OCA2: variants seen among roughly 807,000 people sequenced by gnomAD.
OCA2 encodes P protein.
Under a neutral mutation model 100.2 loss-of-function variants are expected in OCA2, and 77 were observed. The ratio of observed to expected loss-of-function variants is 0.77; its 90% CI spans 0.64 to 0.93. The LOEUF (loss-of-function observed/expected upper bound fraction) is 0.93, where lower values mean the gene tolerates loss of function less well. Among genes scored for constraint, OCA2 ranks in the 40% least tolerant of loss-of-function variants. OCA2 has a pLI of 0.00. For missense variants in OCA2, 1,062 were observed against 1,089.1 expected (o/e 0.98, Z 0.35); for synonymous variants, 432 against 439.2 (o/e 0.98, Z 0.21).
intron 22 of OCA2, among the ~76,000 whole-genome samples, chr15:27,849,564 A>C (rs2035671527): frequency 1.3e-5 from 2 of 151,296 alleles, no homozygotes; most frequent in Non-Finnish European, 2.9e-5. Context: ...GTTGTTTCAA[A>C]GTATCCAGTG....
chr15:28,084,436 C>G (rs1446734999), intron 1 of OCA2, among the ~76,000 whole-genome samples: 2 of 152,198 alleles, frequency 1.3e-5, no homozygotes, highest in Non-Finnish European at 2.9e-5. Context: ...CAGCAAACAC[C>G]CTCCTCTTAC....
intron 2 of OCA2, among the ~76,000 whole-genome samples, chr15:28,054,890 GGAGA>G (rs2043640920): frequency 6.6e-6 from 1 of 152,168 alleles, no homozygotes; most frequent in Non-Finnish European, 1.5e-5. Context: ...CGTGGTGGGA[GGAGA>G]GAGAAGAATG....
chr15:27,991,320 C>T (rs2141023560), intron 9 of OCA2, among the ~76,000 whole-genome samples: 1 of 152,284 alleles, frequency 6.6e-6, no homozygotes, highest in African/African-American at 2.4e-5. Context: ...AACACATGTC[C>T]ACACAAAGCA....
In OCA2 at chr15:27,966,685, C is replaced by T. The variant is rs765634645; in HGVS notation, c.1636+5G>A. The T allele has an allele frequency of 4.3e-6, 7 of 1,613,988 alleles. No individual in the cohort carries two copies. Among genetic ancestry groups the T allele is most frequent in the South Asian group, 1.1e-5 (1 of 91,072 alleles). ...GAGCCTACATGAGGTTGCACTTGTA[C>T]TCACCAACAATCTCACTGGGTTCCT... is the stretch of plus-strand genomic sequence containing the variant. On this transcript the variant is annotated splice_donor_5th_base_variant and intron_variant, in intron 15 of 23. Transcript: ENST00000354638.
Position 27,939,102 on chromosome 15 carries a change from A to G in OCA2, c.1951+12682T>C, listed in dbSNP as rs555761645. Among the ~76,000 whole-genome samples the G allele has an allele frequency of 2.0e-5, 3 of 152,344 alleles. No homozygotes were observed. The East Asian group carries it at 5.8e-4, about 29-fold the overall frequency. On this transcript the variant is annotated intron_variant, in intron 18 of 23. Transcript: ENST00000354638. Reference sequence around the variant, plus strand: ...ATCTTTGAAACATGTTGAAAATCAAACAGGCTCTGAGGAGCTTCATATTCT... The same window carrying G: ...ATCTTTGAAACATGTTGAAAATCAAGCAGGCTCTGAGGAGCTTCATATTCT...
chr15:28,003,601 G>A (rs1453455492), intron 9 of OCA2, among the ~76,000 whole-genome samples: 1 of 148,002 alleles, frequency 6.8e-6, no homozygotes, highest in Non-Finnish European at 1.5e-5. Context: ...GGGGAACGAC[G>A]GGAAAGCAGG....
Position 27,985,843 on chromosome 15 carries a change from C to A in OCA2, c.1240-655G>T, listed in dbSNP as rs1001382989. 1.2e-4 allele frequency among the ~76,000 whole-genome samples: 18 copies of A among 152,000 alleles called. 1 individual carries two copies. The highest frequency in any genetic ancestry group is 4.1e-4 in the South Asian group (2 of 4,830). On this transcript the variant is annotated intron_variant, in intron 12 of 23. Coordinates refer to ENST00000354638, the MANE Select transcript of OCA2 (RefSeq NM_000275.3). The stretch of plus-strand genomic sequence containing the variant: ...GAGTAGCTGGGATTACAGGCGTGTG[C>A]TACCACGCCCAGCTAATTTTTGTAT...
chr15:27,854,618 T>TTTTG (rs1170427674), intron 21 of OCA2, among the ~76,000 whole-genome samples: 2 of 152,226 alleles, frequency 1.3e-5, no homozygotes, highest in African/African-American at 4.8e-5. Context: ...CAAGCTTTGC[T>TTTTG]TTTGTTGTCT....
chr15:27,945,466 G>A (rs1411055777), intron 18 of OCA2, among the ~76,000 whole-genome samples: 1 of 152,166 alleles, frequency 6.6e-6, no homozygotes, highest in Non-Finnish European at 1.5e-5. Flanking sequence ...AGGAGCTGAG[G>A]GCAGAGCACT....
intron 9 of OCA2, among the ~76,000 whole-genome samples, chr15:27,997,289 T>A (rs2041781431): frequency 6.6e-6 from 1 of 152,084 alleles, no homozygotes; most frequent in African/African-American, 2.4e-5. Flanking sequence ...CAGGCCAATA[T>A]CCCTGATGAA....
At chr15:27,954,159 A>ACACC (rs147024497) in intron 17 of OCA2, among the ~76,000 whole-genome samples, 1,533 of 55,018 alleles carry the variant, frequency 0.028, 22 homozygotes, top group East Asian at 0.036. Context: ...ACACACACAC[A>ACACC]CCTAGGGTCA....
At chr15:28,017,102 C>T (rs1216143666) in intron 7 of OCA2, among the ~76,000 whole-genome samples, 4 of 151,856 alleles carry the variant, frequency 2.6e-5, no homozygotes, top group Middle Eastern at 3.2e-3. Context: ...AGATGCGAAT[C>T]TCGCCCACAA....
chr15:27,898,382 A>C (rs147210318), intron 19 of OCA2, among the ~76,000 whole-genome samples: 1 of 152,154 alleles, frequency 6.6e-6, no homozygotes, highest in African/African-American at 2.4e-5. Flanking sequence ...ACTCTCCTGC[A>C]CTGTTCTCGT....
At chr15:27,913,835 A>G (rs1322442337) in intron 19 of OCA2, among the ~76,000 whole-genome samples, 12 of 54,860 alleles carry the variant, frequency 2.2e-4, no homozygotes, top group Non-Finnish European at 3.0e-4. Flanking sequence ...AGAAAGAAAG[A>G]AAGGAAAGAA....
chr15:28,022,436 A>T (rs1218796720), intron 6 of OCA2, 65 bp downstream of exon 6: 1 of 1,166,866 alleles, frequency 8.6e-7, no homozygotes, highest in Non-Finnish European at 1.3e-6. Flanking sequence ...AACCGTCTGC[A>T]AGTGTCTCCT....
intron 18 of OCA2, among the ~76,000 whole-genome samples, chr15:27,943,662 A>T (rs1382603691): frequency 6.8e-6 from 1 of 147,642 alleles, no homozygotes; most frequent in Non-Finnish European, 1.5e-5. Context: ...TAAAACTTAA[A>T]GTATAATTTA....
chr15:27,992,840 C>T (rs531642862), intron 9 of OCA2, among the ~76,000 whole-genome samples: 30 of 152,106 alleles, frequency 2.0e-4, no homozygotes, highest in African/African-American at 7.2e-4. Context: ...AGCAAAGAGC[C>T]GGCCTGGCAC....
chr15:27,855,375 A>G (rs2035912008), intron 21 of OCA2, among the ~76,000 whole-genome samples: 1 of 152,142 alleles, frequency 6.6e-6, no homozygotes, highest in Admixed American at 6.5e-5. Flanking sequence ...TGCCTCACAC[A>G]CTACAGTCTT....
intron 23 of OCA2, among the ~76,000 whole-genome samples, chr15:27,835,155 A>G (rs1218988887): frequency 6.6e-6 from 1 of 152,242 alleles, no homozygotes; most frequent in Non-Finnish European, 1.5e-5. Flanking sequence ...GGGCTCTTAC[A>G]GCTACAAGTG....
Sources: gnomAD v4.1 joint callset for allele counts (sites outside exome capture counted in the v4.1 genomes callset) on GRCh38, gnomAD v4.1.1 for gene constraint, MANE v1.5 for transcripts, NCBI Gene and HGNC (gene_info 2026-07-23, HGNC 2026-07-21) for gene names.